Variants in DTX1 observed in about 807,000 individuals in gnomAD.
The protein encoded by DTX1 is E3 ubiquitin-protein ligase DTX1.
A neutral mutation model predicts 57.8 loss-of-function variants in DTX1; 26 were observed. The ratio of observed to expected loss-of-function variants is 0.45; its 90% CI spans 0.33 to 0.62. DTX1 has a LOEUF of 0.62. Ranked by LOEUF, DTX1 falls within the 20% of genes least tolerant of loss-of-function variation. DTX1 has a pLI of 0.02. For synonymous variants in DTX1, 398 were observed against 394.1 expected, an observed-to-expected ratio of 1.01 and a Z score of -0.12; for missense variants, 704 against 895.3, an observed-to-expected ratio of 0.79 and a Z score of 2.73.
chr12:113,094,271 T>C (rs1365978291), intron 6 of DTX1, among the ~76,000 whole-genome samples, 172 bp downstream of exon 6: 2 of 152,248 alleles, frequency 1.3e-5, no homozygotes, highest in South Asian at 2.1e-4. Context: ...CTCACATTTA[T>C]CCATCTTTTG....
At position 113,077,488 on chromosome 12, in the gene DTX1, G is replaced by T. The variant is rs575657239; in HGVS notation, c.324G>T (p.Val108=). 2 of 1,613,180 alleles carry T rather than the reference G, an allele frequency of 1.2e-6. No homozygotes were observed. Among genetic ancestry groups the T allele is most frequent in the African/African-American group, 2.7e-5 (2 of 74,912 alleles). ...CGTCGGCGCCGGGCAAGGGCATCGTGTGGGAGTGGGAGAACGACGGCGGCG... is the reference window on the plus strand; with the variant it reads ...CGTCGGCGCCGGGCAAGGGCATCGTTTGGGAGTGGGAGAACGACGGCGGCG... ...DPSSAPGKGI[V]WEWENDGGAW... is the part of the protein sequence containing the mutation. The change falls in exon 3 of 10, where the codon GTG becomes GTT. Residue 108 remains valine (V), a synonymous_variant. Coordinates refer to ENST00000548759, the MANE Select transcript of DTX1 (RefSeq NM_004416.3). The surrounding 1 kb of genome is among the most constrained non-coding windows in gnomAD (Gnocchi z 7.8).
chr12:113,082,014 G>A (rs2044821679), intron 3 of DTX1, among the ~76,000 whole-genome samples: 8 of 152,016 alleles, frequency 5.3e-5, no homozygotes. Context: ...TTTCTCTTTG[G>A]GGGTGCGGAT....
chr12:113,078,146 G>T, intron 3 of DTX1, 41 bp downstream of exon 3: 2 of 1,308,294 alleles, frequency 1.5e-6, no homozygotes, highest in Non-Finnish European at 1.9e-6. Flanking sequence ...TGCGTCGTCC[G>T]CAGGCAAGGA....
chr12:113,093,619 C>G lies in DTX1; in HGVS notation c.1084C>G (p.Pro362Ala). The G allele has an allele frequency of 6.2e-7, 1 of 1,613,288 alleles. No individual in the cohort carries two copies. Among genetic ancestry groups the G allele is most frequent in the Non-Finnish European group, 8.5e-7 (1 of 1,179,786 alleles). The change falls in exon 5 of 10, where the codon CCC (proline) becomes GCC (alanine). Residue 362 changes from proline to alanine, a missense_variant. Around this residue, in one of 3 missense-constraint regions of DTX1, gnomAD observed 299 missense variants for 311.2 expected, o/e 0.96. Transcript: ENST00000548759. This position sits in a 1 kb window ranked among gnomAD's most constrained non-coding sequence, Gnocchi z 4.2. ...CCCCAAGCCCATCCTGCACCCGCCGCCCGTGAGCAAGAGCGACGTGAAGCC... is the reference window on the plus strand; with the variant it reads ...CCCCAAGCCCATCCTGCACCCGCCGGCCGTGAGCAAGAGCGACGTGAAGCC... ...RAPKPILHPP[P>A]VSKSDVKPVP...
At position 113,093,572 on chromosome 12, in the gene DTX1, T is replaced by C; in HGVS notation, c.1037T>C (p.Leu346Pro). The C allele has an allele frequency of 6.2e-7, 1 of 1,610,472 alleles. No individual in the cohort carries two copies. Among genetic ancestry groups the C allele is most frequent in the Non-Finnish European group, 8.5e-7 (1 of 1,178,572 alleles). ...MTGILLCAAG[L>P]PVCLTRAPKP... Reference sequence around the variant, plus strand: ...GGGATACTGCTGTGCGCGGCCGGGCTGCCCGTGTGCCTGACGCGGGCCCCC... The same window carrying C: ...GGGATACTGCTGTGCGCGGCCGGGCCGCCCGTGTGCCTGACGCGGGCCCCC... The change falls in exon 5 of 10, where the codon CTG becomes CCG. Residue 346 changes from leucine (L) to proline (P), a missense_variant. Leu to Pro is a moderately conservative substitution (Grantham distance 98). Coordinates refer to ENST00000548759, the MANE Select transcript of DTX1 (RefSeq NM_004416.3). The surrounding 1 kb of genome is among the most constrained non-coding windows in gnomAD (Gnocchi z 4.2).
rs1389332780 is a variant in DTX1 at position 113,093,549 on chromosome 12, G to A, written c.1014G>A (p.Gly338=). The A allele has an allele frequency of 1.9e-6, 3 of 1,608,198 alleles. 1 individual carries two copies. The highest frequency in any genetic ancestry group is 2.2e-5 in the South Asian group (2 of 90,596). Residue 338 remains glycine (G), a synonymous_variant, in exon 5 of 10, where the codon GGG becomes GGA. Transcript: ENST00000548759. This position sits in a 1 kb window ranked among gnomAD's most constrained non-coding sequence, Gnocchi z 4.2. ...CCCCCTAACCCCCAGGGATGACCGGGATACTGCTGTGCGCGGCCGGGCTGC... is the reference window on the plus strand; with the variant it reads ...CCCCCTAACCCCCAGGGATGACCGGAATACTGCTGTGCGCGGCCGGGCTGC... ...PVHPALAGMT[G]ILLCAAGLPV...
chr12:113,093,096 G>C lies in DTX1; in HGVS notation c.942-66G>C. ...CCCAGGAGCCAGAGACAGAAGGCAA[G>C]CCAGGTCCCCTGACGTCGCTTCGGG... is the stretch of plus-strand genomic sequence containing the variant. On this transcript the variant is annotated intron_variant, in intron 3 of 9. Transcript: ENST00000548759. The surrounding 1 kb of genome is among the most constrained non-coding windows in gnomAD (Gnocchi z 4.2). 1.3e-6 allele frequency: 2 copies of C among 1,529,380 alleles called. No homozygotes were observed. The highest frequency in any genetic ancestry group is 1.8e-6 in the Non-Finnish European group (2 of 1,127,312). The allele number at this position is 1,529,380 out of a possible 1,614,324, so 94.7% of individuals were successfully genotyped here.
At chr12:113,068,147 G>A (rs1052241541) in intron 2 of DTX1, among the ~76,000 whole-genome samples, 1 of 152,228 alleles carries the variant, frequency 6.6e-6, no homozygotes, top group Non-Finnish European at 1.5e-5. Context: ...GCCTAGTCAT[G>A]AGCAGCATTC....
At chr12:113,057,035 TGTTACC>T (rs1420290992) in intron 1 of DTX1, 91 bp downstream of exon 1, 6 of 151,798 alleles carry the variant, frequency 4.0e-5, no homozygotes, top group Non-Finnish European at 8.8e-5. Flanking sequence ...GAAGCGGGGC[TGTTACC>T]CCCAGGGCGG....
intron 3 of DTX1, 59 bp downstream of exon 3, chr12:113,078,164 CG>C: frequency 8.7e-6 from 11 of 1,261,670 alleles, no homozygotes; most frequent in South Asian, 5.7e-5. Context: ...GGACGAAGCC[CG>C]GGGGTGGTTG....
rs1307204382 is a variant in DTX1 at position 113,077,452 on chromosome 12, C to T, written c.288C>T (p.Phe96=). 6.2e-7 allele frequency: 1 copy of T among 1,610,884 alleles called. No individual in the cohort carries two copies. The highest frequency in any genetic ancestry group is 2.2e-5 in the East Asian group (1 of 44,862). Residue 96 remains phenylalanine (F), a synonymous_variant, in exon 3 of 10, where the codon TTC becomes TTT. Transcript: ENST00000548759. This position sits in a 1 kb window ranked among gnomAD's most constrained non-coding sequence, Gnocchi z 7.8. The stretch of plus-strand genomic sequence containing the variant: ...CCATGCGGCCCGTGCGGCGCAACTT[C>T]TACGACCCGTCGTCGGCGCCGGGCA... ...TGTMRPVRRN[F]YDPSSAPGKG... is the part of the protein sequence containing the mutation.
Position 113,094,771 on chromosome 12 carries a change from C to A in DTX1, c.1228-18C>A. On this transcript the variant is annotated intron_variant, in intron 6 of 9. Transcript: ENST00000548759. Reference sequence around the variant, plus strand: ...CCTGCCCTCCCCAGTCCTCAGTCTCCCCTGCTGCCACCTGCAGGACTGCAC... The same window carrying A: ...CCTGCCCTCCCCAGTCCTCAGTCTCACCTGCTGCCACCTGCAGGACTGCAC... 3 of 1,610,370 alleles carry A rather than the reference C, an allele frequency of 1.9e-6. No individual in the cohort carries two copies. The East Asian group carries it at 6.7e-5, about 36-fold the overall frequency.
At chr12:113,060,364 T>C (rs1025550948) in intron 2 of DTX1, among the ~76,000 whole-genome samples, 1 of 151,900 alleles carries the variant, frequency 6.6e-6, no homozygotes, top group African/African-American at 2.4e-5. Context: ...AGCAAACATA[T>C]CACCACAGAG....
At chr12:113,088,395 T>C (rs1950220475) in intron 3 of DTX1, among the ~76,000 whole-genome samples, 1 of 152,186 alleles carries the variant, frequency 6.6e-6, no homozygotes, top group Non-Finnish European at 1.5e-5. Flanking sequence ...TATGCACTCA[T>C]ATATTTGACA....
rs568611818 is a variant in DTX1 at position 113,097,070 on chromosome 12, G to A, written c.*131G>A. ...GCGGAAGGGGCCGCAGCCATTCAGG[G>A]GACCTGCCTGGTGGCAGCTGGGATG... On this transcript the variant is annotated 3_prime_UTR_variant, in exon 10 of 10. Coordinates refer to ENST00000548759, the MANE Select transcript of DTX1 (RefSeq NM_004416.3). The A allele has an allele frequency of 2.6e-4, 267 of 1,009,440 alleles. 1 individual carries two copies. Among genetic ancestry groups the A allele is most frequent in the Admixed American group, 6.3e-4 (22 of 35,032 alleles). 62.5% of individuals were successfully genotyped at this position (1,009,440 alleles called of 1,614,324 possible).
chr12:113,094,990 G>C (rs1227150888), intron 7 of DTX1, 43 bp downstream of exon 7: 1 of 1,606,068 alleles, frequency 6.2e-7, no homozygotes, highest in South Asian at 1.1e-5. Context: ...GCAGGGAACG[G>C]AGTGGGGTTT....
At chr12:113,084,484 C>T (rs1438033412) in intron 3 of DTX1, among the ~76,000 whole-genome samples, 1 of 152,174 alleles carries the variant, frequency 6.6e-6, no homozygotes, top group Non-Finnish European at 1.5e-5. Flanking sequence ...CTCCTGGGCT[C>T]AAGCAATCCT....
chr12:113,093,769 CT>C lies in DTX1; in HGVS notation c.1165+70del, dbSNP rs920425089. The C allele has an allele frequency of 2.1e-5, 33 of 1,585,996 alleles. No homozygotes were observed. The African/African-American group carries it at 3.9e-4, about 19-fold the overall frequency. On this transcript the variant is annotated intron_variant, in intron 5 of 9. Transcript: ENST00000548759. This position sits in a 1 kb window ranked among gnomAD's most constrained non-coding sequence, Gnocchi z 4.2. ...AGCCTTGACCACAACTCTGTGACCC[CT>C]GGTCTCCAACTTATTCTTAGCATTT...
chr12:113,070,518 G>A (rs1187871856), intron 2 of DTX1, among the ~76,000 whole-genome samples: 1 of 151,534 alleles, frequency 6.6e-6, no homozygotes, highest in East Asian at 1.9e-4. Flanking sequence ...TAGAGGCTGA[G>A]GGACCAGCAG....
Sources: gnomAD v4.1 joint callset for allele counts (sites outside exome capture counted in the v4.1 genomes callset) on GRCh38, gnomAD v4.1.1 for gene constraint, gnomAD v4.1.1 regional missense constraint, Gnocchi (gnomAD v3.1) non-coding constraint, MANE v1.5 for transcripts, NCBI Gene and HGNC (gene_info 2026-07-23, HGNC 2026-07-21) for gene names.